SIPA1L3: variants seen among roughly 807,000 people sequenced by gnomAD.
SIPA1L3 encodes signal-induced proliferation-associated 1-like protein 3.
SIPA1L3 carries 59 observed loss-of-function variants against 150.1 expected under a neutral mutation model. That is an observed-to-expected ratio of 0.39 (90% CI 0.32 to 0.49). The LOEUF is 0.49. Ranked by LOEUF, SIPA1L3 falls within the 20% of genes least tolerant of loss-of-function variation. SIPA1L3 has a pLI of 0.86. For synonymous variants in SIPA1L3, 1,070 were observed against 1,077.6 expected, an observed-to-expected ratio of 0.99 and a Z score of 0.14; for missense variants, 2,211 against 2,489.5, an observed-to-expected ratio of 0.89 and a Z score of 2.38.
intron 4 of SIPA1L3, 60 bp downstream of exon 4, chr19:38,088,911 G>C: frequency 6.3e-7 from 1 of 1,583,922 alleles, no homozygotes; most frequent in Non-Finnish European, 8.6e-7. Context: ...TCTCGAGCCA[G>C]GTTCTGGGGG....
At chr19:38,083,193 C>T in intron 3 of SIPA1L3, 94 bp downstream of exon 3, 5 of 1,249,802 alleles carry the variant, frequency 4.0e-6, no homozygotes, top group Non-Finnish European at 5.6e-6. Flanking sequence ...CCAGGCCCTG[C>T]TCTGGCACTG....
intron 2 of SIPA1L3, among the ~76,000 whole-genome samples, chr19:38,033,585 G>A (rs771431779): frequency 1.3e-5 from 2 of 152,130 alleles, no homozygotes; most frequent in Non-Finnish European, 2.9e-5. Flanking sequence ...GAACTCGGAC[G>A]GCTATGGCAG....
chr19:38,191,692 A>G (rs138042700), intron 16 of SIPA1L3, among the ~76,000 whole-genome samples: 114 of 151,406 alleles, frequency 7.5e-4, no homozygotes, highest in South Asian at 1.5e-3. Context: ...GGGTGCCCCA[A>G]TCCTTGCTAC....
chr19:37,942,948 G>GTGATCC (rs2046674039), intron 1 of SIPA1L3, among the ~76,000 whole-genome samples: 1 of 151,192 alleles, frequency 6.6e-6, no homozygotes, highest in Non-Finnish European at 1.5e-5. Flanking sequence ...CTGGCCTCAA[G>GTGATCC]TGATCCTTCT....
intron 1 of SIPA1L3, among the ~76,000 whole-genome samples, chr19:38,003,108 C>T (rs144531447): frequency 7.0e-4 from 106 of 152,202 alleles, no homozygotes; most frequent in Admixed American, 1.3e-3. Flanking sequence ...TTCACACACT[C>T]CAGCCTGGGC....
chr19:38,171,594 T>C (rs1358194071), intron 15 of SIPA1L3, among the ~76,000 whole-genome samples: 5 of 151,848 alleles, frequency 3.3e-5, no homozygotes, highest in Admixed American at 6.6e-5. Flanking sequence ...GGTTTCACCA[T>C]GTTGGCCAGG....
In SIPA1L3 at chr19:38,082,412, G is replaced by A. The variant is rs773758289; in HGVS notation, c.847G>A (p.Ala283Thr). 1.9e-6 allele frequency: 3 copies of A among 1,597,692 alleles called. No individual in the cohort carries two copies. The highest frequency in any genetic ancestry group is 2.2e-5 in the East Asian group (1 of 44,686). The change falls in exon 3 of 22, where the codon GCC becomes ACC. Residue 283 changes from alanine (A) to threonine (T), a missense_variant. Ala to Thr is a moderately conservative substitution (Grantham distance 58). Coordinates refer to ENST00000222345, the MANE Select transcript of SIPA1L3 (RefSeq NM_015073.3). ...GCAGCCCACGAAGGAGAAGGAGAAG[G>A]CCCGGAAGAAACCTGCGCGGGGCCT... is the stretch of plus-strand genomic sequence containing the variant. ...PLQPTKEKEK[A>T]RKKPARGLGG...
chr19:38,006,972 A>G (rs1043918937), intron 1 of SIPA1L3, among the ~76,000 whole-genome samples: 1 of 152,190 alleles, frequency 6.6e-6, no homozygotes, highest in Non-Finnish European at 1.5e-5. Flanking sequence ...GCGGCCGGGA[A>G]GGTAGAGTAA....
intron 1 of SIPA1L3, among the ~76,000 whole-genome samples, chr19:37,937,843 G>C (rs2046615613): frequency 6.7e-6 from 1 of 149,920 alleles, no homozygotes; most frequent in Admixed American, 6.7e-5. Context: ...TTAAGAGATT[G>C]AGACCATCCT....
chr19:38,193,368 GA>G (rs1244440783), intron 17 of SIPA1L3, among the ~76,000 whole-genome samples, 168 bp from the exon 18 acceptor site: 3 of 134,176 alleles, frequency 2.2e-5, no homozygotes, highest in African/African-American at 5.4e-5. Flanking sequence ...AGGAAGGAGG[GA>G]GGGGGGAGGG....
At chr19:37,969,265 T>A (rs1042834757) in intron 1 of SIPA1L3, among the ~76,000 whole-genome samples, 17 of 149,490 alleles carry the variant, frequency 1.1e-4, no homozygotes, top group Admixed American at 3.3e-4. Flanking sequence ...GAAAAAAACC[T>A]TATAGGCCAG....
intron 15 of SIPA1L3, among the ~76,000 whole-genome samples, chr19:38,168,097 C>T (rs970730480): frequency 7.2e-5 from 11 of 152,142 alleles, no homozygotes; most frequent in South Asian, 4.2e-4. Context: ...AATACGTGTG[C>T]GCTCCCAGGC....
At position 38,141,419 on chromosome 19, in the gene SIPA1L3, C is replaced by T. The variant is rs1362841090; in HGVS notation, c.3379C>T (p.Pro1127Ser). The T allele has an allele frequency of 6.2e-7, 1 of 1,609,806 alleles. No homozygotes were observed. ...CATAGTCCCCTTCCGGGAGTCCCAG[C>T]CACTGCACAGCAAGAGGTAAGCACC... ...TPIVPFRESQ[P>S]LHSKRPVSFP... is the part of the protein sequence containing the mutation. The change falls in exon 11 of 22, where the codon CCA becomes TCA. Residue 1127 changes from proline (P) to serine (S), a missense_variant. Coordinates refer to ENST00000222345, the MANE Select transcript of SIPA1L3 (RefSeq NM_015073.3).
rs1302064418 is a variant in SIPA1L3 at position 38,204,317 on chromosome 19, C to T, written c.5202+109C>T. On this transcript the variant is annotated intron_variant, in intron 21 of 21. Coordinates refer to ENST00000222345, the MANE Select transcript of SIPA1L3 (RefSeq NM_015073.3). ...CCATGCAGGACCCACCCCACCCCCA[C>T]ACCTCCTGTGTTTGAGTGTAGTCAT... is the stretch of plus-strand genomic sequence containing the variant. 1.4e-5 allele frequency: 11 copies of T among 787,020 alleles called. No homozygotes were observed. The East Asian group carries it at 1.6e-4, about 12-fold the overall frequency. The allele number at this position is 787,020 out of a possible 1,614,324, so 48.8% of individuals were successfully genotyped here.
intron 1 of SIPA1L3, among the ~76,000 whole-genome samples, chr19:37,925,524 C>G (rs1454739513): frequency 6.6e-6 from 1 of 151,410 alleles, no homozygotes; most frequent in Non-Finnish European, 1.5e-5. Context: ...CTCTTAGGGT[C>G]CTGCACAGGT....
At chr19:38,048,525 A>G (rs1424158716) in intron 2 of SIPA1L3, among the ~76,000 whole-genome samples, 1 of 152,148 alleles carries the variant, frequency 6.6e-6, no homozygotes, top group East Asian at 1.9e-4. Context: ...CGGTCAAGTT[A>G]CTAGAGGAAT....
In SIPA1L3 at chr19:38,054,490, C is replaced by T. The variant is rs1038983079; in HGVS notation, c.-311+25334C>T. Among the ~76,000 whole-genome samples, 4 of 152,156 alleles carry T rather than the reference C, an allele frequency of 2.6e-5. No homozygotes were observed. The South Asian group carries it at 8.3e-4, about 32-fold the overall frequency. On this transcript the variant is annotated intron_variant, in intron 2 of 21. Transcript: ENST00000222345. ...ATGTGGTGGTGGGTGCCAGTAATCC[C>T]AGCTACTCAGCAGGCAGAGGCAGGA...
At chr19:38,052,488 T>C (rs536768403) in intron 2 of SIPA1L3, among the ~76,000 whole-genome samples, 10 of 152,218 alleles carry the variant, frequency 6.6e-5, no homozygotes, top group Non-Finnish European at 1.2e-4. Flanking sequence ...TCACCACCTC[T>C]ACCTTCCAGG....
intron 16 of SIPA1L3, 22 bp from the exon 17 acceptor site, chr19:38,192,123 G>T: frequency 1.3e-6 from 2 of 1,582,708 alleles, no homozygotes; most frequent in South Asian, 2.3e-5. Flanking sequence ...ACACCCCTCT[G>T]ACCCTGACGC....
Sources: allele counts gnomAD v4.1 joint callset (sites outside exome capture counted in the v4.1 genomes callset), GRCh38; gene constraint gnomAD v4.1.1; transcripts MANE v1.5; gene names NCBI Gene and HGNC (gene_info 2026-07-23, HGNC 2026-07-21).